Variants in DMD observed in about 807,000 individuals in gnomAD.
DMD encodes the protein dystrophin, also known as mutant dystrophin.
Under a neutral mutation model 330.1 loss-of-function variants are expected in DMD, and 63 were observed. The ratio of observed to expected loss-of-function variants is 0.19; its 90% CI spans 0.16 to 0.24. The LOEUF (loss-of-function observed/expected upper bound fraction) is 0.24. DMD is among the 10% of genes least tolerant of loss of function. The pLI, the probability that DMD is intolerant of heterozygous loss-of-function variation, is 1.00. For synonymous variants in DMD, 1,223 were observed against 959.8 expected, an observed-to-expected ratio of 1.27 and a Z score of -5.07; for missense variants, 3,344 against 2,684.1, an observed-to-expected ratio of 1.25 and a Z score of -5.43.
chrX:33,320,877 C>T (rs1320847181), intron 1 of DMD, among the ~76,000 whole-genome samples: 2 of 112,214 alleles, frequency 1.8e-5, no homozygotes, highest in Non-Finnish European at 3.8e-5. Context: ...TCAGCATCTT[C>T]ACCAGAAGTA....
At chrX:32,099,499 CCAA>C (rs1309148707) in intron 44 of DMD, among the ~76,000 whole-genome samples, 5 of 109,747 alleles carry the variant, frequency 4.6e-5, no homozygotes, top group Non-Finnish European at 9.5e-5. Flanking sequence ...ACCCAAATGT[CCAA>C]CAATGATAGA....
chrX:32,125,444 C>T (rs981643438), intron 44 of DMD, among the ~76,000 whole-genome samples: 2 of 111,408 alleles, frequency 1.8e-5, no homozygotes, highest in African/African-American at 6.5e-5. Context: ...AGGACAAGGT[C>T]GAACATTCAG....
intron 7 of DMD, among the ~76,000 whole-genome samples, chrX:32,757,651 C>A (rs1603368247): frequency 9.0e-6 from 1 of 111,385 alleles, no homozygotes; most frequent in East Asian, 2.8e-4. Context: ...TTGCCTGTCT[C>A]CATGGAAGAT....
intron 1 of DMD, among the ~76,000 whole-genome samples, chrX:33,098,641 C>T (rs1322034084): frequency 9.0e-6 from 1 of 111,607 alleles, no homozygotes; most frequent in Non-Finnish European, 1.9e-5. Flanking sequence ...AATGCTTGTT[C>T]CCTGGTGCTG....
At chrX:32,844,258 T>C (rs1297876319) in intron 4 of DMD, among the ~76,000 whole-genome samples, 1 of 109,108 alleles carries the variant, frequency 9.2e-6, no homozygotes, top group South Asian at 4.1e-4. Flanking sequence ...ATACAAAAAT[T>C]AGCTGGCCAT....
At chrX:31,427,213 C>G (rs781068589) in intron 60 of DMD, among the ~76,000 whole-genome samples, 2 of 111,859 alleles carry the variant, frequency 1.8e-5, no homozygotes, top group Non-Finnish European at 3.8e-5. Context: ...TATAAACTAC[C>G]TCAGGTTATA....
At chrX:31,753,191 C>A (rs186204361) in intron 51 of DMD, among the ~76,000 whole-genome samples, 1 of 111,658 alleles carries the variant, frequency 9.0e-6, no homozygotes, top group East Asian at 2.8e-4. Context: ...GCCCCTCAAT[C>A]CTAAAACAGA....
intron 11 of DMD, among the ~76,000 whole-genome samples, chrX:32,642,950 G>A (rs113948850): frequency 4.5e-4 from 50 of 111,362 alleles, no homozygotes; most frequent in African/African-American, 1.4e-3. Context: ...GCAAATAGAA[G>A]TTCTAACCTG....
At chrX:31,730,165 A>C (rs185124235) in intron 51 of DMD, among the ~76,000 whole-genome samples, 2 of 111,958 alleles carry the variant, frequency 1.8e-5, no homozygotes, top group Admixed American at 1.9e-4. Flanking sequence ...AAAAGCACAG[A>C]ACCGATTTAA....
At chrX:33,084,601 T>G (rs779723359) in intron 1 of DMD, among the ~76,000 whole-genome samples, 1 of 111,202 alleles carries the variant, frequency 9.0e-6, no homozygotes, top group African/African-American at 3.3e-5. Flanking sequence ...AGTTTATTGA[T>G]ATGGGTAGTG....
intron 63 of DMD, among the ~76,000 whole-genome samples, chrX:31,256,819 T>C (rs1603242686): frequency 9.1e-6 from 1 of 109,922 alleles, no homozygotes; most frequent in South Asian, 4.0e-4. Context: ...TAATGAATTG[T>C]AGCTATAGAG....
intron 57 of DMD, among the ~76,000 whole-genome samples, chrX:31,490,227 G>A (rs781527415): frequency 8.9e-6 from 1 of 112,381 alleles, no homozygotes; most frequent in African/African-American, 3.2e-5. Context: ...TAACAGTCAA[G>A]TGGTTTAGAA....
chrX:31,169,280 C>CA (rs72043108), intron 74 of DMD, among the ~76,000 whole-genome samples, 163 bp downstream of exon 74: 549 of 89,123 alleles, frequency 6.2e-3, no homozygotes, highest in Middle Eastern at 0.017. Context: ...TTTCAGATAA[C>CA]AAAAAAAAAA....
chrX:32,583,040 T>A (rs2053830668), intron 13 of DMD, among the ~76,000 whole-genome samples: 1 of 112,157 alleles, frequency 8.9e-6, no homozygotes, highest in South Asian at 3.7e-4. Flanking sequence ...TCCAGTATTT[T>A]TCTACTAGCT....
At chrX:32,922,175 ATT>A (rs772925727) in intron 2 of DMD, among the ~76,000 whole-genome samples, 12 of 98,459 alleles carry the variant, frequency 1.2e-4, no homozygotes, top group Admixed American at 1.1e-4. Flanking sequence ...CCCTGACATG[ATT>A]TTTTTTTTTT....
At chrX:31,802,922 G>T (rs1286163495) in intron 50 of DMD, among the ~76,000 whole-genome samples, 1 of 111,533 alleles carries the variant, frequency 9.0e-6, no homozygotes, top group African/African-American at 3.3e-5. Context: ...TAGGAAGCAA[G>T]AATGAAAAAC....
chrX:32,721,385 A>C (rs2066294614), intron 7 of DMD, among the ~76,000 whole-genome samples: 2 of 109,995 alleles, frequency 1.8e-5, no homozygotes, highest in Admixed American at 2.0e-4. Context: ...CTCATCTTTT[A>C]GATAATACTC....
intron 19 of DMD, among the ~76,000 whole-genome samples, chrX:32,495,982 A>C (rs1458606472): frequency 8.9e-6 from 1 of 112,004 alleles, no homozygotes; most frequent in Non-Finnish European, 1.9e-5. Flanking sequence ...CTCATATTCT[A>C]AACAACCCCT....
intron 62 of DMD, among the ~76,000 whole-genome samples, chrX:31,294,161 G>A (rs1180095681): frequency 8.9e-6 from 1 of 111,995 alleles, no homozygotes; most frequent in Non-Finnish European, 1.9e-5. Context: ...CGGCACAACA[G>A]AACAAACACA....
Sources: gnomAD v4.1 joint callset for allele counts (sites outside exome capture counted in the v4.1 genomes callset) on GRCh38, gnomAD v4.1.1 for gene constraint, MANE v1.5 for transcripts, NCBI Gene and HGNC (gene_info 2026-07-23, HGNC 2026-07-21) for gene names.